The following SGCD variants were observed in gnomAD, a reference collection of about 807,000 sequenced individuals.
SGCD encodes delta-sarcoglycan.
SGCD carries 18 observed loss-of-function variants against 36.6 expected under a neutral mutation model. That is an observed-to-expected ratio of 0.49 (90% CI 0.34 to 0.73). The LOEUF (loss-of-function observed/expected upper bound fraction) is 0.73, where lower values mean the gene tolerates loss of function less well. Ranked by LOEUF, SGCD falls within the 30% of genes least tolerant of loss-of-function variation. The probability of loss-of-function intolerance (pLI) is 0.01; values close to 1 mark genes in which losing one functional copy is unlikely to be tolerated. For synonymous variants in SGCD, 133 were observed against 130.6 expected, an observed-to-expected ratio of 1.02 and a Z score of -0.12; for missense variants, 387 against 346.7, an observed-to-expected ratio of 1.12 and a Z score of -0.92.
the SGCD span, among the ~76,000 whole-genome samples, chr5:155,807,119 A>G: frequency 6.6e-6 from 1 of 152,184 alleles, no homozygotes; most frequent in African/African-American, 2.4e-5. Flanking sequence ...CTACAAGGAC[A>G]TTTCTTTTTT....
At chr5:156,320,949 T>A (rs970504497) in intron 3 of SGCD, among the ~76,000 whole-genome samples, 1 of 152,168 alleles carries the variant, frequency 6.6e-6, no homozygotes, top group Non-Finnish European at 1.5e-5. Context: ...CAGGTATTAT[T>A]TATGAAATGA....
intron 1 of SGCD, among the ~76,000 whole-genome samples, chr5:155,976,968 C>A (rs1758127946): frequency 6.6e-6 from 1 of 152,144 alleles, no homozygotes; most frequent in Non-Finnish European, 1.5e-5. Flanking sequence ...ATTGGATCCC[C>A]TTACTTCCCT....
At chr5:156,394,778 G>C (rs549023658) in intron 3 of SGCD, among the ~76,000 whole-genome samples, 2 of 152,278 alleles carry the variant, frequency 1.3e-5, no homozygotes, top group East Asian at 3.9e-4. Context: ...TGTGCCTGCT[G>C]TGCTTTTATG....
At chr5:156,491,896 G>A (rs1003487810) in intron 3 of SGCD, among the ~76,000 whole-genome samples, 1 of 152,022 alleles carries the variant, frequency 6.6e-6, no homozygotes, top group Non-Finnish European at 1.5e-5. Flanking sequence ...CTTGAGCCTG[G>A]CATCTCATTC....
chr5:156,624,839 C>A lies in SGCD; in HGVS notation c.503-22625C>A, dbSNP rs116016803. Among the ~76,000 whole-genome samples the A allele has an allele frequency of 2.5e-3, 376 of 152,258 alleles. 1 individual carries two copies. The highest frequency in any genetic ancestry group is 8.6e-3 in the African/African-American group (357 of 41,568). On this transcript the variant is annotated intron_variant, in intron 6 of 8. Coordinates refer to ENST00000337851, the MANE Select transcript of SGCD (RefSeq NM_000337.6). ...GAGAAAGGCCAAGTTTGAGTCAAGT[C>A]TGCTACCACAGATTGCAAATAGGCT...
rs1424450394 is a variant in SGCD at position 156,525,932 on chromosome 5, A to G, written c.294+17230A>G. 2.0e-5 allele frequency among the ~76,000 whole-genome samples: 3 copies of G among 151,946 alleles called. No homozygotes were observed. In the East Asian group the frequency reaches 5.8e-4, roughly 29 times the overall value. On this transcript the variant is annotated intron_variant, in intron 4 of 8. Coordinates refer to ENST00000337851, the MANE Select transcript of SGCD (RefSeq NM_000337.6). ...CTCAGCTTTCTATTCTGTTCCATTT[A>G]TCTATGTGTCTGTTTTTTGTTTGTT...
Position 156,056,345 on chromosome 5 carries a change from A to G in SGCD, c.-281-61533A>G, listed in dbSNP as rs529792639. Among the ~76,000 whole-genome samples, 3 of 146,050 alleles carry G rather than the reference A, an allele frequency of 2.1e-5. No individual in the cohort carries two copies. In the South Asian group the frequency reaches 6.5e-4, roughly 31 times the overall value. On this transcript the variant is annotated intron_variant, in intron 1 of 9. Transcript: ENST00000517913. The stretch of plus-strand genomic sequence containing the variant: ...ACCAGACTGCCTTTGTAGGACTAAC[A>G]AATTATGGTTTAGGAGTCATGCAGC...
intron 3 of SGCD, among the ~76,000 whole-genome samples, chr5:156,412,035 T>G (rs1772789365): frequency 6.6e-6 from 1 of 152,234 alleles, no homozygotes; most frequent in Non-Finnish European, 1.5e-5. Context: ...AATAAGGCAG[T>G]CTGGAATCCA....
chr5:156,271,658 A>T (rs1301684598), intron 3 of SGCD, among the ~76,000 whole-genome samples: 3 of 152,086 alleles, frequency 2.0e-5, no homozygotes, highest in Admixed American at 6.6e-5. Context: ...AGAGAGAGAG[A>T]GTGTGACTTT....
chr5:156,255,183 A>G (rs1464640900), intron 3 of SGCD, among the ~76,000 whole-genome samples: 1 of 152,192 alleles, frequency 6.6e-6, no homozygotes, highest in Non-Finnish European at 1.5e-5. Context: ...AAATCTGAAA[A>G]AGTCAAACAC....
chr5:156,471,084 G>C (rs1403912760), intron 3 of SGCD, among the ~76,000 whole-genome samples: 1 of 152,054 alleles, frequency 6.6e-6, no homozygotes, highest in African/African-American at 2.4e-5. Flanking sequence ...GCTATAGGTA[G>C]TATTATTACA....
intron 3 of SGCD, among the ~76,000 whole-genome samples, chr5:156,473,542 G>C (rs1226207802): frequency 1.3e-5 from 2 of 152,130 alleles, no homozygotes; most frequent in African/African-American, 4.8e-5. Flanking sequence ...AATTGACTGT[G>C]GGTAACTGAA....
chr5:156,477,464 C>A (rs2127834461), intron 3 of SGCD, among the ~76,000 whole-genome samples: 1 of 152,226 alleles, frequency 6.6e-6, no homozygotes, highest in South Asian at 2.1e-4. Context: ...CAAACAATCT[C>A]ATTTCAATTA....
intron 3 of SGCD, among the ~76,000 whole-genome samples, chr5:156,305,672 C>T (rs1247752797): frequency 6.6e-6 from 1 of 152,180 alleles, no homozygotes; most frequent in African/African-American, 2.4e-5. Context: ...GGTAGATCCA[C>T]CAACAGCTTG....
chr5:155,822,815 T>A, the SGCD span, among the ~76,000 whole-genome samples: 9 of 152,352 alleles, frequency 5.9e-5, no homozygotes, highest in South Asian at 1.9e-3. Flanking sequence ...TGTTTCATCA[T>A]ATCCACAGGC....
chr5:156,529,556 A>G (rs1379444103), intron 4 of SGCD, among the ~76,000 whole-genome samples: 1 of 151,396 alleles, frequency 6.6e-6, no homozygotes, highest in African/African-American at 2.4e-5. Flanking sequence ...TTTTTTCTTA[A>G]TGCTTCCATC....
At chr5:156,197,884 A>G (rs80347451) in intron 3 of SGCD, among the ~76,000 whole-genome samples, 2 of 152,076 alleles carry the variant, frequency 1.3e-5, no homozygotes, top group Non-Finnish European at 2.9e-5. Context: ...ATATGGAATG[A>G]TTAAACTATG....
At chr5:156,680,065 T>C (rs1753664957) in intron 7 of SGCD, among the ~76,000 whole-genome samples, 1 of 152,198 alleles carries the variant, frequency 6.6e-6, no homozygotes, top group Admixed American at 6.5e-5. Flanking sequence ...TTCTATTTAC[T>C]TAAAATTCTG....
intron 3 of SGCD, among the ~76,000 whole-genome samples, chr5:156,303,749 C>T (rs1205421983): frequency 6.6e-6 from 1 of 151,698 alleles, no homozygotes; most frequent in African/African-American, 2.4e-5. Context: ...CTATATATGT[C>T]ATTCAGGAGC....
Sources: allele counts gnomAD v4.1 joint callset (sites outside exome capture counted in the v4.1 genomes callset), GRCh38; gene constraint gnomAD v4.1.1; transcripts MANE v1.5; gene names NCBI Gene and HGNC (gene_info 2026-07-23, HGNC 2026-07-21).